ZNF761: variants seen among roughly 807,000 people sequenced by gnomAD.
ZNF761 encodes zinc finger protein 761.
A neutral mutation model predicts 59.9 loss-of-function variants in ZNF761; 43 were observed. The observed-to-expected ratio is 0.72, with a 90% CI of 0.56 to 0.92. ZNF761 has a LOEUF of 0.92. Ranked by LOEUF, ZNF761 falls within the 40% of genes least tolerant of loss-of-function variation. The pLI is 0.00. For synonymous variants in ZNF761, 294 were observed against 304.8 expected (o/e 0.96, Z 0.37); for missense variants, 850 against 906.1 (o/e 0.94, Z 0.79).
At chr19:53,450,804 C>A (rs551781167) in intron 4 of ZNF761, among the ~76,000 whole-genome samples, 3 of 152,156 alleles carry the variant, frequency 2.0e-5, no homozygotes, top group Non-Finnish European at 2.9e-5. Context: ...CAAAACCAGC[C>A]TGCCTAACAT....
intron 3 of ZNF761, among the ~76,000 whole-genome samples, chr19:53,449,298 C>G (rs1235050814): frequency 6.6e-6 from 1 of 151,954 alleles, no homozygotes; most frequent in Admixed American, 6.6e-5. Context: ...CCAGTGCACT[C>G]CAGCCTGGGT....
At position 53,455,553 on chromosome 19, in the gene ZNF761, C is replaced by T; in HGVS notation, c.1046C>T (p.Thr349Ile). 6.2e-7 allele frequency: 1 copy of T among 1,613,066 alleles called. No individual in the cohort carries two copies. The highest frequency in any genetic ancestry group is 1.7e-5 in the Admixed American group (1 of 59,884). Residue 349 changes from threonine to isoleucine, a missense_variant, in exon 5 of 5, where the codon ACT becomes ATT. Physicochemically the swap from Thr to Ile is moderately conservative, Grantham distance 89. Transcript: ENST00000684525. ...SILTRHHRLH[T>I]GEKPYKCNEC... ...CTTACACGCCATCATCGACTTCATA[C>T]TGGAGAGAAACCTTACAAGTGTAAT...
In ZNF761 at chr19:53,457,061, A is replaced by C; in HGVS notation, c.*313A>C. On this transcript the variant is annotated 3_prime_UTR_variant, in exon 5 of 5. Transcript: ENST00000684525. ...CACAACATGCTAGAATTCACACTGGAGAGAAACCTTACCAGTGTAATGAGT... is the reference window on the plus strand; with the variant it reads ...CACAACATGCTAGAATTCACACTGGCGAGAAACCTTACCAGTGTAATGAGT... 1 of 630,418 alleles carries C rather than the reference A, an allele frequency of 1.6e-6. No individual in the cohort carries two copies. Among genetic ancestry groups the C allele is most frequent in the Non-Finnish European group, 2.8e-6 (1 of 359,490 alleles). The allele number at this position is 630,418 out of a possible 1,614,324, so 39.1% of individuals were successfully genotyped here. A position where few individuals can be genotyped will look rare whatever the true frequency, so the allele number is the denominator to read the frequency against.
chr19:53,436,097 A>G lies in ZNF761; in HGVS notation c.-185+4069A>G, dbSNP rs73935590. 2.4e-3 allele frequency among the ~76,000 whole-genome samples: 363 copies of G among 152,200 alleles called. 2 individuals carry two copies. Among genetic ancestry groups the G allele is most frequent in the African/African-American group, 8.1e-3 (337 of 41,540 alleles). ...ATCTCAGGATCGGCTGAGTTGGATG[A>G]TCTGGGTCTTGCTGGCTGTTCCACT... On this transcript the variant is annotated intron_variant, in intron 1 of 4. Coordinates refer to ENST00000684525, the MANE Select transcript of ZNF761 (RefSeq NM_001289951.2).
chr19:53,449,604 G>A lies in ZNF761; in HGVS notation c.108G>A (p.Val36=), dbSNP rs759867384. Residue 36 remains valine (V), a synonymous_variant, in exon 4 of 5, where the codon GTG becomes GTA. Coordinates refer to ENST00000684525, the MANE Select transcript of ZNF761 (RefSeq NM_001289951.2). ...DPAQRTLYRD[V]MLENYRNLVS... is the part of the protein sequence containing the mutation. ...CTCAGAGGACTCTATACAGGGACGT[G>A]ATGCTGGAGAATTATAGGAACCTGG... 4.3e-6 allele frequency: 7 copies of A among 1,611,086 alleles called. No homozygotes were observed. The highest frequency in any genetic ancestry group is 5.1e-6 in the Non-Finnish European group (6 of 1,178,676).
Position 53,455,103 on chromosome 19 carries a change from C to G in ZNF761, c.596C>G (p.Ser199Cys), listed in dbSNP as rs1235928885. 1 of 1,614,026 alleles carries G rather than the reference C, an allele frequency of 6.2e-7. No individual in the cohort carries two copies. The highest frequency in any genetic ancestry group is 8.5e-7 in the Non-Finnish European group (1 of 1,180,030). Reference sequence around the variant, plus strand: ...AACCATGGGAATAATTTCTGGAATTCTTCATTACTCACACAAAAACAGGAA... The same window carrying G: ...AACCATGGGAATAATTTCTGGAATTGTTCATTACTCACACAAAAACAGGAA... ...SNNHGNNFWN[S>C]SLLTQKQEVH... is the part of the protein sequence containing the mutation. The change falls in exon 5 of 5, where the codon TCT (serine) becomes TGT (cysteine). Residue 199 changes from serine to cysteine, a missense_variant. By Grantham distance (112) the Ser-to-Cys change is moderately radical (BLOSUM62 -1). Transcript: ENST00000684525.
intron 1 of ZNF761, among the ~76,000 whole-genome samples, chr19:53,440,141 A>ACC (rs36138507): frequency 2.9e-4 from 42 of 147,114 alleles, no homozygotes; most frequent in Non-Finnish European, 5.4e-4. Context: ...ACATAGTGAG[A>ACC]CCCCCCCGTC....
chr19:53,452,871 C>G (rs1471067563), intron 4 of ZNF761, among the ~76,000 whole-genome samples: 2 of 152,242 alleles, frequency 1.3e-5, no homozygotes, highest in Admixed American at 6.5e-5. Flanking sequence ...AATAAGAACT[C>G]TGAACATGGC....
In ZNF761 at chr19:53,438,035, G is replaced by A. The variant is rs185074841; in HGVS notation, c.-185+6007G>A. ...AAGTACTTGACATCTGGGTCTCTGA[G>A]GGGTCTGTCTGTAAGATCTTTCTCA... On this transcript the variant is annotated intron_variant, in intron 1 of 4. Coordinates refer to ENST00000684525, the MANE Select transcript of ZNF761 (RefSeq NM_001289951.2). Among the ~76,000 whole-genome samples, 369 of 118,050 alleles carry A rather than the reference G, an allele frequency of 3.1e-3. 27 individuals carry two copies. The highest frequency in any genetic ancestry group is 5.3e-3 in the Non-Finnish European group (276 of 52,360). 77.4% of individuals were successfully genotyped at this position (118,050 alleles called of 152,430 possible). A position where few individuals can be genotyped will look rare whatever the true frequency, so the allele number is the denominator to read the frequency against.
intron 4 of ZNF761, among the ~76,000 whole-genome samples, chr19:53,450,694 G>T (rs550334133): frequency 6.6e-6 from 1 of 151,820 alleles, no homozygotes; most frequent in Admixed American, 6.6e-5. Context: ...AGCCAGCTCC[G>T]CCTCTCGGGT....
chr19:53,433,342 G>A (rs1040421012), intron 1 of ZNF761, among the ~76,000 whole-genome samples: 1 of 151,346 alleles, frequency 6.6e-6, no homozygotes. Flanking sequence ...TCGTAGCTGA[G>A]TTGAAAGAAA....
At chr19:53,444,419 C>G (rs1439348937) in intron 1 of ZNF761, 1 of 152,176 alleles carries the variant, frequency 6.6e-6, no homozygotes, top group Non-Finnish European at 1.5e-5. Context: ...TGTGTAAAGT[C>G]AAACATAAAC....
chr19:53,449,483 C>T, intron 3 of ZNF761, 29 bp from the exon 4 acceptor site: 2 of 1,614,066 alleles, frequency 1.2e-6, no homozygotes, highest in South Asian at 1.1e-5. Context: ...CTCTCATAAC[C>T]ATTTGGTTAA....
Position 53,455,543 on chromosome 19 carries a change from C to G in ZNF761, c.1036C>G (p.Arg346Gly). ...RQKSILTRHH[R>G]LHTGEKPYKC... ...GAAGTCAATCCTTACACGCCATCAT[C>G]GACTTCATACTGGAGAGAAACCTTA... The change falls in exon 5 of 5, where the codon CGA (arginine) becomes GGA (glycine). Residue 346 changes from arginine to glycine, a missense_variant. Transcript: ENST00000684525. The G allele has an allele frequency of 6.2e-7, 1 of 1,600,036 alleles. No individual in the cohort carries two copies. The highest frequency in any genetic ancestry group is 1.7e-4 in the Middle Eastern group (1 of 5,992).
chr19:53,454,338 GAT>G (rs1484011785), intron 4 of ZNF761, among the ~76,000 whole-genome samples: 2 of 152,178 alleles, frequency 1.3e-5, no homozygotes, highest in Non-Finnish European at 2.9e-5. Context: ...ATATGACAGT[GAT>G]ATGTTTTTTA....
At chr19:53,434,703 A>T (rs2086018443) in intron 1 of ZNF761, among the ~76,000 whole-genome samples, 1 of 152,134 alleles carries the variant, frequency 6.6e-6, no homozygotes, top group Non-Finnish European at 1.5e-5. Context: ...AGGTGCTTGA[A>T]CTTGTGGGCA....
chr19:53,445,216 C>T (rs575065392), intron 1 of ZNF761: 1 of 152,192 alleles, frequency 6.6e-6, no homozygotes, highest in Admixed American at 6.5e-5. Flanking sequence ...TCGCTATTTT[C>T]AAGGTCAATA....
chr19:53,443,007 T>G (rs1251830802), intron 1 of ZNF761: 1 of 277,846 alleles, frequency 3.6e-6, no homozygotes, highest in Non-Finnish European at 7.0e-6. Context: ...TTGTTAGATT[T>G]TTAAAAAAAC....
intron 4 of ZNF761, among the ~76,000 whole-genome samples, chr19:53,453,737 A>G (rs1015874105): frequency 3.3e-5 from 5 of 152,050 alleles, no homozygotes; most frequent in African/African-American, 1.2e-4. Flanking sequence ...TTAGCCAAGC[A>G]TGGTGGTGTG....
Sources: allele counts gnomAD v4.1 joint callset (sites outside exome capture counted in the v4.1 genomes callset), GRCh38; gene constraint gnomAD v4.1.1; transcripts MANE v1.5; gene names NCBI Gene and HGNC (gene_info 2026-07-23, HGNC 2026-07-21).